The following NIFK variants were observed in gnomAD, a reference collection of about 807,000 sequenced individuals.
The protein encoded by NIFK is MKI67 FHA domain-interacting nucleolar phosphoprotein.
Under a neutral mutation model 31.7 loss-of-function variants are expected in NIFK, and 16 were observed. The ratio of observed to expected loss-of-function variants is 0.50; its 90% CI spans 0.34 to 0.77. NIFK has a LOEUF of 0.77. Ranked by LOEUF, NIFK falls within the 30% of genes least tolerant of loss-of-function variation. NIFK has a pLI of 0.01. For missense variants in NIFK, 341 were observed against 350.4 expected (o/e 0.97, Z 0.21); for synonymous variants, 126 against 123.0 (o/e 1.02, Z -0.16).
chr2:121,729,239 T>C (rs111568988), intron 4 of NIFK, among the ~76,000 whole-genome samples: 4 of 151,908 alleles, frequency 2.6e-5, no homozygotes, highest in Admixed American at 6.6e-5. Context: ...TGGTGGTGTG[T>C]GCCTGTAGTC....
At chr2:121,736,656 G>T in intron 1 of NIFK, 90 bp downstream of exon 1, 1 of 1,114,832 alleles carries the variant, frequency 9.0e-7, no homozygotes, top group Non-Finnish European at 1.4e-6. Flanking sequence ...AAGGCAAGGG[G>T]CGCCCGGGCC....
chr2:121,732,075 C>T (rs371545872), intron 3 of NIFK, 21 bp downstream of exon 3: 7 of 1,452,992 alleles, frequency 4.8e-6, no homozygotes, highest in East Asian at 2.3e-5. Context: ...GGCAACCCTG[C>T]GGTAAGACAG....
At chr2:121,728,816 A>G (rs1213041672) in intron 4 of NIFK, among the ~76,000 whole-genome samples, 4 of 152,158 alleles carry the variant, frequency 2.6e-5, no homozygotes, top group African/African-American at 7.2e-5. Context: ...AGCAGGAAGA[A>G]TGTGCAAAGG....
chr2:121,734,183 C>G (rs2074563174), intron 2 of NIFK, among the ~76,000 whole-genome samples: 1 of 151,862 alleles, frequency 6.6e-6, no homozygotes, highest in African/African-American at 2.4e-5. Context: ...GTAATCCCAG[C>G]CACTCAGGAG....
intron 2 of NIFK, among the ~76,000 whole-genome samples, chr2:121,735,200 A>G (rs1347971427): frequency 2.0e-5 from 3 of 152,214 alleles, no homozygotes; most frequent in African/African-American, 7.2e-5. Flanking sequence ...CACAACACTG[A>G]AACATGGTAA....
chr2:121,732,068 A>T (rs764971480), intron 3 of NIFK, 28 bp downstream of exon 3: 16 of 1,382,496 alleles, frequency 1.2e-5, no homozygotes, highest in Non-Finnish European at 1.3e-5. Flanking sequence ...GCACCCAGGC[A>T]ACCCTGCGGT....
At position 121,727,187 on chromosome 2, in the gene NIFK, TC is replaced by T. The variant is rs1407471336; in HGVS notation, c.*536del. On this transcript the variant is annotated 3_prime_UTR_variant, in exon 7 of 7. Coordinates refer to ENST00000285814, the MANE Select transcript of NIFK (RefSeq NM_032390.5). ...ATTTAACATTATTGGTAAAAATGAG[TC>T]ATTTTTGAATCTCTATTAAAATCTG... The T allele has an allele frequency of 4.1e-6, 1 of 241,126 alleles. No homozygotes were observed. The highest frequency in any genetic ancestry group is 8.6e-6 in the Non-Finnish European group (1 of 116,108). 14.9% of individuals were successfully genotyped at this position (241,126 alleles called of 1,614,324 possible). A position where few individuals can be genotyped will look rare whatever the true frequency, so the allele number is the denominator to read the frequency against.
Position 121,736,756 on chromosome 2 carries a change from C to T in NIFK, c.95G>A (p.Arg32His), listed in dbSNP as rs754108598. The change falls in exon 1 of 7, where the codon CGC becomes CAC. Residue 32 changes from arginine (R) to histidine (H), a missense_variant. Physicochemically the swap from Arg to His is conservative, Grantham distance 29. Transcript: ENST00000285814. ...FQKEVAQVRK[R>H]ITQRKKQEQL... ...AGGGTGCCTGCTCACCTGGGTTATG[C>T]GCTTGCGAACCTGCGCCACCTCCTT... is the stretch of plus-strand genomic sequence containing the variant. 18 of 1,613,598 alleles carry T rather than the reference C, an allele frequency of 1.1e-5. No homozygotes were observed. Among genetic ancestry groups the T allele is most frequent in the Admixed American group, 1.7e-5 (1 of 60,010 alleles).
At position 121,735,659 on chromosome 2, in the gene NIFK, G is replaced by A; in HGVS notation, c.197C>T (p.Ser66Phe). Residue 66 changes from serine to phenylalanine, a missense_variant, in exon 2 of 7, where the codon TCC becomes TTC. Ser to Phe is a radical substitution (Grantham distance 155). Transcript: ENST00000285814. ...LDETQIFSYF[S>F]QFGTVTRFRL... ...GAACCGTGTCACAGTGCCAAACTGG[G>A]AGAAATATGAAAAGATCTGGGTTTC... is the stretch of plus-strand genomic sequence containing the variant. 1 of 1,612,514 alleles carries A rather than the reference G, an allele frequency of 6.2e-7. No homozygotes were observed. Among genetic ancestry groups the A allele is most frequent in the African/African-American group, 1.3e-5 (1 of 74,994 alleles).
At position 121,731,064 on chromosome 2, in the gene NIFK, A is replaced by G; in HGVS notation, c.393T>C (p.Phe131=). 6.2e-7 allele frequency: 1 copy of G among 1,606,848 alleles called. No individual in the cohort carries two copies. The highest frequency in any genetic ancestry group is 8.5e-7 in the Non-Finnish European group (1 of 1,177,120). ...GCTTAAATGGAATATTCCAGTCTTT[A>G]AAGAGTTCTTTATGTACTTTTTCAG... is the stretch of plus-strand genomic sequence containing the variant. ...MPPEKVHKEL[F]KDWNIPFKQP... Residue 131 remains phenylalanine (F), a synonymous_variant, in exon 4 of 7, where the codon TTT becomes TTC. Transcript: ENST00000285814.
intron 2 of NIFK, among the ~76,000 whole-genome samples, chr2:121,733,812 A>G (rs183152826): frequency 5.6e-4 from 85 of 152,308 alleles, no homozygotes; most frequent in African/African-American, 1.9e-3. Context: ...ATGCATATGT[A>G]TGTGTGCTGG....
intron 4 of NIFK, 90 bp downstream of exon 4, chr2:121,730,803 G>A (rs59537490): frequency 0.062 from 51,892 of 838,748 alleles, 5,285 homozygotes; most frequent in African/African-American, 0.35. Context: ...CAAGATTGTG[G>A]TAAGTGCTAG....
chr2:121,736,630 AATGAAGGCGAGCACG>A, intron 1 of NIFK, 101 bp downstream of exon 1: 1 of 819,444 alleles, frequency 1.2e-6, no homozygotes, highest in South Asian at 1.4e-5. Flanking sequence ...CCCTGGAGGT[AATGAAGGCGAGCACG>A]AAGGCAAGGG....
chr2:121,734,384 C>A (rs900409524), intron 2 of NIFK, among the ~76,000 whole-genome samples: 1 of 151,962 alleles, frequency 6.6e-6, no homozygotes, highest in Non-Finnish European at 1.5e-5. Flanking sequence ...AAAAATTCAG[C>A]TGAAGAATGA....
Position 121,727,886 on chromosome 2 carries a change from T to C in NIFK, c.720A>G (p.Thr240=), listed in dbSNP as rs763963544. The C allele has an allele frequency of 5.6e-6, 9 of 1,604,404 alleles. No individual in the cohort carries two copies. The highest frequency in any genetic ancestry group is 6.8e-6 in the Non-Finnish European group (8 of 1,178,156). Residue 240 remains threonine, a synonymous_variant, in exon 7 of 7, where the codon ACA becomes ACG. Transcript: ENST00000285814. ...SQGPTPVCTP[T]FLERRKSQVA... The stretch of plus-strand genomic sequence containing the variant: ...CTTGAGATTTTCGCCTCTCCAAAAA[T>C]GTTGGTGTACAAACTGGTGTGGGGC...
At chr2:121,735,863 GTAAT>G (rs2074575716) in intron 1 of NIFK, 113 bp from the exon 2 acceptor site, 1 of 815,842 alleles carries the variant, frequency 1.2e-6, no homozygotes, top group Non-Finnish European at 1.9e-6. Context: ...TACCACAGTA[GTAAT>G]TAAAGAACTG....
In NIFK at chr2:121,735,615, T is replaced by A; in HGVS notation, c.241A>T (p.Arg81Trp). 6.2e-7 allele frequency: 1 copy of A among 1,611,742 alleles called. No individual in the cohort carries two copies. The highest frequency in any genetic ancestry group is 1.1e-5 in the South Asian group (1 of 90,974). Residue 81 changes from arginine (R) to tryptophan (W), a missense_variant and splice_region_variant, in exon 2 of 7, where the codon AGG becomes TGG. Arg to Trp is a moderately radical substitution (Grantham distance 101). Transcript: ENST00000285814. ...AAATCCAACTGCAAAAATCTTACCCTTTTACTTCTGGACAGCCTGAACCGT... is the reference window on the plus strand; with the variant it reads ...AAATCCAACTGCAAAAATCTTACCCATTTACTTCTGGACAGCCTGAACCGT... ...VTRFRLSRSKRTGNSKGYAFV... is the reference protein window; with the variant it reads ...VTRFRLSRSKWTGNSKGYAFV...
At chr2:121,734,589 G>C (rs1226095739) in intron 2 of NIFK, among the ~76,000 whole-genome samples, 2 of 152,018 alleles carry the variant, frequency 1.3e-5, no homozygotes, top group Admixed American at 6.6e-5. Flanking sequence ...TCAGGAGTTC[G>C]AGACCAGCCT....
chr2:121,729,178 G>A (rs948767176), intron 4 of NIFK, among the ~76,000 whole-genome samples: 1 of 151,912 alleles, frequency 6.6e-6, no homozygotes, highest in South Asian at 2.1e-4. Context: ...TGGCTAACAT[G>A]GTGATGAAAC....
Sources: gnomAD v4.1 joint callset for allele counts (sites outside exome capture counted in the v4.1 genomes callset) on GRCh38, gnomAD v4.1.1 for gene constraint, MANE v1.5 for transcripts, NCBI Gene and HGNC (gene_info 2026-07-23, HGNC 2026-07-21) for gene names.